The following EDA variants were observed in gnomAD, a reference collection of about 807,000 sequenced individuals.
EDA encodes ectodysplasin-A.
A neutral mutation model predicts 23.6 loss-of-function variants in EDA; 2 were observed. The ratio of observed to expected loss-of-function variants is 0.08; its 90% CI spans 0.03 to 0.27. EDA has a LOEUF of 0.27. Ranked by LOEUF, EDA falls within the 10% of genes least tolerant of loss-of-function variation. The pLI is 1.00. For synonymous variants in EDA, 131 were observed against 132.0 expected, an observed-to-expected ratio of 0.99 and a Z score of 0.05; for missense variants, 229 against 324.2, an observed-to-expected ratio of 0.71 and a Z score of 2.26.
intron 1 of EDA, among the ~76,000 whole-genome samples, chrX:69,802,828 G>T (rs1044356803): frequency 8.9e-6 from 1 of 111,841 alleles, no homozygotes; most frequent in Non-Finnish European, 1.9e-5. Flanking sequence ...ACGCATAAAG[G>T]CCACAAAACA....
intron 2 of EDA, among the ~76,000 whole-genome samples, chrX:70,011,795 G>A (rs1009529816): frequency 3.6e-5 from 4 of 111,120 alleles, no homozygotes; most frequent in Non-Finnish European, 7.5e-5. Context: ...TTTGAAGGAT[G>A]GTTTCACTGG....
intron 1 of EDA, chrX:69,617,245 T>C (rs776038182): frequency 2.7e-4 from 40 of 148,882 alleles, no homozygotes; most frequent in Non-Finnish European, 5.2e-4. Context: ...TTACCTGCAA[T>C]TTGAGACTGA....
chrX:69,745,604 C>T (rs909052909), intron 1 of EDA, among the ~76,000 whole-genome samples: 2 of 112,076 alleles, frequency 1.8e-5, no homozygotes, highest in Non-Finnish European at 3.8e-5. Context: ...AAATAAAATA[C>T]TAAAAACCTC....
chrX:70,026,536 C>G (rs1345194182), intron 3 of EDA, among the ~76,000 whole-genome samples: 1 of 111,418 alleles, frequency 9.0e-6, no homozygotes, highest in African/African-American at 3.3e-5. Flanking sequence ...TGGTGGGTAA[C>G]TTAATTTCTT....
chrX:69,882,881 T>C (rs1009887233), intron 1 of EDA, among the ~76,000 whole-genome samples: 5 of 111,164 alleles, frequency 4.5e-5, no homozygotes, highest in African/African-American at 6.6e-5. Context: ...TTTGTATTTT[T>C]AGTAGAGACG....
intron 1 of EDA, among the ~76,000 whole-genome samples, chrX:69,635,962 A>C (rs775116111): frequency 9.1e-6 from 1 of 109,868 alleles, no homozygotes; most frequent in African/African-American, 3.3e-5. Context: ...AACTTTCCTT[A>C]ACTATTCTTT....
chrX:69,764,454 G>C (rs1361474301), intron 1 of EDA, among the ~76,000 whole-genome samples: 1 of 107,051 alleles, frequency 9.3e-6, no homozygotes, highest in Non-Finnish European at 1.9e-5. Context: ...CATTGGCCAG[G>C]CTGGTCTTGA....
intron 1 of EDA, among the ~76,000 whole-genome samples, chrX:69,814,985 A>C (rs772121599): frequency 1.0e-3 from 116 of 111,480 alleles, no homozygotes; most frequent in Non-Finnish European, 1.5e-3. Flanking sequence ...GATTCCCAGC[A>C]AGGCAGGAAA....
intron 1 of EDA, among the ~76,000 whole-genome samples, chrX:69,826,715 G>C (rs778696708): frequency 9.2e-6 from 1 of 108,809 alleles, no homozygotes; most frequent in African/African-American, 3.4e-5. Flanking sequence ...AGTTAATATT[G>C]TTATGTGTGA....
intron 1 of EDA, among the ~76,000 whole-genome samples, chrX:69,915,606 A>G (rs1311600281): frequency 1.1e-4 from 11 of 103,698 alleles, no homozygotes; most frequent in African/African-American, 3.5e-4. Context: ...AAAAAAAAGC[A>G]TCATGACAGG....
At chrX:69,788,905 G>T (rs1479847548) in intron 1 of EDA, among the ~76,000 whole-genome samples, 2 of 112,629 alleles carry the variant, frequency 1.8e-5, no homozygotes, top group South Asian at 3.7e-4. Context: ...CTGCCGCCTT[G>T]CAGTTTGATC....
chrX:69,753,536 A>G (rs925760051), intron 1 of EDA, among the ~76,000 whole-genome samples: 7 of 112,219 alleles, frequency 6.2e-5, no homozygotes, highest in African/African-American at 1.6e-4. Context: ...TGTGGTGCTG[A>G]GAAGAATGTA....
At chrX:69,684,102 T>G (rs1934466166) in intron 1 of EDA, among the ~76,000 whole-genome samples, 2 of 112,404 alleles carry the variant, frequency 1.8e-5, no homozygotes, top group South Asian at 7.3e-4. Flanking sequence ...TCCATGCACT[T>G]AAGCTCATGC....
chrX:69,964,599 G>A (rs2019148366), intron 2 of EDA, among the ~76,000 whole-genome samples: 1 of 111,771 alleles, frequency 8.9e-6, no homozygotes, highest in Non-Finnish European at 1.9e-5. Context: ...AATTTGGATG[G>A]TCAGTGAGCC....
chrX:69,826,926 C>G (rs1385732420), intron 1 of EDA, among the ~76,000 whole-genome samples: 24 of 112,441 alleles, frequency 2.1e-4, no homozygotes, highest in East Asian at 2.0e-3. Context: ...ATTTGCTTTT[C>G]TGTAAAGTAT....
At chrX:69,806,100 G>A (rs2015809191) in intron 1 of EDA, among the ~76,000 whole-genome samples, 1 of 111,290 alleles carries the variant, frequency 9.0e-6, no homozygotes, top group African/African-American at 3.3e-5. Context: ...TTGCCACATT[G>A]TAAATAAGGC....
At chrX:69,834,889 G>A (rs2016729332) in intron 1 of EDA, among the ~76,000 whole-genome samples, 1 of 111,650 alleles carries the variant, frequency 9.0e-6, no homozygotes, top group African/African-American at 3.3e-5. Flanking sequence ...TCCTTCAGGA[G>A]CTCTTGTAAG....
At chrX:69,955,401 A>G (rs753911098) in intron 1 of EDA, among the ~76,000 whole-genome samples, 142 of 111,798 alleles carry the variant, frequency 1.3e-3, no homozygotes, top group Admixed American at 2.8e-3. Context: ...TATTAATTTT[A>G]TATTTAATAC....
At chrX:70,021,038 G>T (rs1278739395) in intron 2 of EDA, among the ~76,000 whole-genome samples, 2 of 112,027 alleles carry the variant, frequency 1.8e-5, no homozygotes, top group Non-Finnish European at 3.8e-5. Flanking sequence ...AGCTTAAAAA[G>T]ATTTTAAAAT....
Sources: allele counts gnomAD v4.1 joint callset (sites outside exome capture counted in the v4.1 genomes callset), GRCh38; gene constraint gnomAD v4.1.1; transcripts MANE v1.5; gene names NCBI Gene and HGNC (gene_info 2026-07-23, HGNC 2026-07-21).